The following BCKDHB variants were observed in gnomAD, a reference collection of about 807,000 sequenced individuals.
The protein encoded by BCKDHB is 2-oxoisovalerate dehydrogenase subunit beta, mitochondrial.
Under a neutral mutation model 48.5 loss-of-function variants are expected in BCKDHB, and 41 were observed. That is an observed-to-expected ratio of 0.85 (90% confidence interval 0.66 to 1.10). The LOEUF is 1.10. Among genes scored for constraint, BCKDHB ranks in the 50% least tolerant of loss-of-function variants. The pLI is 0.00. For missense variants in BCKDHB, 496 were observed against 494.2 expected, an observed-to-expected ratio of 1.00 and a Z score of -0.03; for synonymous variants, 201 against 174.8, an observed-to-expected ratio of 1.15 and a Z score of -1.18.
intron 3 of BCKDHB, among the ~76,000 whole-genome samples, chr6:80,133,784 A>T (rs1241666705): frequency 6.6e-6 from 1 of 152,062 alleles, no homozygotes; most frequent in African/African-American, 2.4e-5. Context: ...CTGGGACTAC[A>T]GGTGCCCACC....
the BCKDHB span, among the ~76,000 whole-genome samples, chr6:80,463,658 C>T: frequency 5.3e-5 from 8 of 151,886 alleles, no homozygotes; most frequent in Non-Finnish European, 8.8e-5. Flanking sequence ...AAGTTCCTAT[C>T]CATAACTAAT....
downstream of BCKDHB, among the ~76,000 whole-genome samples, chr6:80,348,491 C>A (rs1770303382): frequency 6.6e-6 from 1 of 152,206 alleles, no homozygotes; most frequent in African/African-American, 2.4e-5. Flanking sequence ...CTGCCAATCC[C>A]AACACTGTGC....
the BCKDHB span, among the ~76,000 whole-genome samples, chr6:80,414,244 G>A: frequency 6.6e-6 from 1 of 152,186 alleles, no homozygotes; most frequent in South Asian, 2.1e-4. Context: ...CATTCTGTAG[G>A]TTGTCCCTTC....
At chr6:80,378,164 G>T in the BCKDHB span, among the ~76,000 whole-genome samples, 1 of 152,240 alleles carries the variant, frequency 6.6e-6, no homozygotes, top group East Asian at 1.9e-4. Context: ...TGTGCATAAT[G>T]GTTGAGATTG....
the BCKDHB span, among the ~76,000 whole-genome samples, chr6:80,421,174 T>G: frequency 6.6e-6 from 1 of 152,114 alleles, no homozygotes. Context: ...AGAGTTCTCA[T>G]GGATCTGATG....
At chr6:80,347,366 A>G (rs565482394), downstream of BCKDHB, among the ~76,000 whole-genome samples, 3 of 152,294 alleles carry the variant, frequency 2.0e-5, no homozygotes, top group South Asian at 2.1e-4. Context: ...TTAAGATGCC[A>G]AAACTCAGTA....
intron 8 of BCKDHB, among the ~76,000 whole-genome samples, chr6:80,215,368 G>A (rs918443718): frequency 1.2e-4 from 18 of 152,322 alleles, no homozygotes; most frequent in African/African-American, 3.8e-4. Context: ...ATTGGAACAA[G>A]TTCTAGGCTG....
intron 6 of BCKDHB, among the ~76,000 whole-genome samples, chr6:80,177,527 C>T (rs923139511): frequency 1.3e-5 from 2 of 151,968 alleles, no homozygotes; most frequent in Non-Finnish European, 2.9e-5. Context: ...CTAAATACAT[C>T]TAAGGAAACA....
the BCKDHB span, among the ~76,000 whole-genome samples, chr6:80,363,499 C>CT: frequency 6.6e-6 from 1 of 152,228 alleles, no homozygotes; most frequent in Admixed American, 6.5e-5. Flanking sequence ...TTGGGTGCAA[C>CT]TTTTTTCTCA....
chr6:80,413,747 C>T, the BCKDHB span, among the ~76,000 whole-genome samples: 1 of 152,176 alleles, frequency 6.6e-6, no homozygotes, highest in East Asian at 1.9e-4. Context: ...GTGAATGGTG[C>T]TGCAATAAAC....
intron 5 of BCKDHB, among the ~76,000 whole-genome samples, chr6:80,170,215 A>G (rs1009726697): frequency 6.6e-6 from 1 of 152,156 alleles, no homozygotes; most frequent in Non-Finnish European, 1.5e-5. Context: ...TTATACAGAA[A>G]ATAGTGACAT....
chr6:80,321,359 A>T (rs529696775), intron 9 of BCKDHB, among the ~76,000 whole-genome samples: 2 of 152,304 alleles, frequency 1.3e-5, no homozygotes, highest in East Asian at 3.9e-4. Context: ...CTACTGAATA[A>T]CCTGTAGTGG....
chr6:80,382,939 G>A, the BCKDHB span, among the ~76,000 whole-genome samples: 1 of 151,998 alleles, frequency 6.6e-6, no homozygotes, highest in African/African-American at 2.4e-5. Flanking sequence ...GTAAGCTTTT[G>A]CTAAGTCATA....
chr6:80,108,383 G>T (rs568892577), intron 1 of BCKDHB, among the ~76,000 whole-genome samples: 17 of 146,952 alleles, frequency 1.2e-4, no homozygotes, highest in African/African-American at 4.3e-4. Flanking sequence ...TCAAAGCAAA[G>T]AAATTTTGGT....
intron 1 of BCKDHB, among the ~76,000 whole-genome samples, chr6:80,119,064 C>T (rs1057336578): frequency 2.0e-4 from 31 of 152,018 alleles, no homozygotes; most frequent in Non-Finnish European, 4.4e-4. Context: ...CCAAGGCTGG[C>T]GGATCATCTG....
intron 6 of BCKDHB, among the ~76,000 whole-genome samples, chr6:80,200,286 T>C (rs1377909227): frequency 6.6e-6 from 1 of 152,100 alleles, no homozygotes; most frequent in Non-Finnish European, 1.5e-5. Context: ...ATTTAGTTTA[T>C]CTTTTTGAGG....
the BCKDHB span, among the ~76,000 whole-genome samples, chr6:80,372,902 G>A: frequency 1.3e-5 from 2 of 151,992 alleles, no homozygotes; most frequent in Non-Finnish European, 2.9e-5. Context: ...ATCTTGGTCT[G>A]TATTTTTCTT....
the BCKDHB span, among the ~76,000 whole-genome samples, chr6:80,362,673 G>A: frequency 6.6e-6 from 1 of 152,166 alleles, no homozygotes; most frequent in African/African-American, 2.4e-5. Context: ...CCTAAAATGA[G>A]ATTTATTCTC....
chr6:80,324,731 C>A (rs1157693541), intron 9 of BCKDHB, among the ~76,000 whole-genome samples: 1 of 152,136 alleles, frequency 6.6e-6, no homozygotes, highest in South Asian at 2.1e-4. Context: ...TATCCTGCTC[C>A]CTCTGCTCCT....
Sources: allele counts gnomAD v4.1 joint callset (sites outside exome capture counted in the v4.1 genomes callset), GRCh38; gene constraint gnomAD v4.1.1; transcripts MANE v1.5; gene names NCBI Gene and HGNC (gene_info 2026-07-23, HGNC 2026-07-21).